The following XXYLT1 variants were observed in gnomAD, a reference collection of about 807,000 sequenced individuals.
XXYLT1 encodes xyloside xylosyltransferase 1, also known as UDP-xylose:alpha-xyloside alpha-1,3-xylosyltransferase.
Under a neutral mutation model 28.9 loss-of-function variants are expected in XXYLT1, and 20 were observed. The ratio of observed to expected loss-of-function variants is 0.69; its 90% CI spans 0.49 to 1.00. The LOEUF (loss-of-function observed/expected upper bound fraction) is 1.00. Ranked by LOEUF, XXYLT1 falls within the 50% of genes least tolerant of loss-of-function variation. The pLI is 0.00. For missense variants in XXYLT1, 542 were observed against 560.1 expected, an observed-to-expected ratio of 0.97 and a Z score of 0.33; for synonymous variants, 257 against 253.8, an observed-to-expected ratio of 1.01 and a Z score of -0.12.
At position 195,227,827 on chromosome 3, in the gene XXYLT1, G is replaced by A. The variant is rs1399653490; in HGVS notation, c.505-971C>T. On this transcript the variant is annotated intron_variant, in intron 1 of 3. Transcript: ENST00000310380. Reference sequence around the variant, plus strand: ...AAGGATGAAGACATCAGCTCAACCCGCGATTAGAGCAGACAAGAGTACTAA... The same window carrying A: ...AAGGATGAAGACATCAGCTCAACCCACGATTAGAGCAGACAAGAGTACTAA... Among the ~76,000 whole-genome samples, 9 of 152,058 alleles carry A rather than the reference G, an allele frequency of 5.9e-5. No homozygotes were observed. The South Asian group carries it at 6.2e-4, about 11-fold the overall frequency.
chr3:195,225,748 T>C (rs1472060921), intron 2 of XXYLT1, among the ~76,000 whole-genome samples: 1 of 147,404 alleles, frequency 6.8e-6, no homozygotes, highest in Middle Eastern at 3.2e-3. Flanking sequence ...TGGTGGGGGG[T>C]AATTTAATCA....
Position 195,237,896 on chromosome 3 carries a change from G to A in XXYLT1, c.505-11040C>T, listed in dbSNP as rs182684042. 1.7e-3 allele frequency among the ~76,000 whole-genome samples: 260 copies of A among 152,008 alleles called. 1 individual carries two copies. The highest frequency in any genetic ancestry group is 4.9e-3 in the African/African-American group (201 of 41,416). On this transcript the variant is annotated intron_variant, in intron 1 of 3. Coordinates refer to ENST00000310380, the MANE Select transcript of XXYLT1 (RefSeq NM_152531.5). ...TTTTCCAACAGAAATCTCAAATTATGTTTCTCATTCCCACACCCCTCCGCT... is the reference window on the plus strand; with the variant it reads ...TTTTCCAACAGAAATCTCAAATTATATTTCTCATTCCCACACCCCTCCGCT...
At chr3:195,109,665 G>A (rs1560099755) in intron 3 of XXYLT1, among the ~76,000 whole-genome samples, 1 of 138,272 alleles carries the variant, frequency 7.2e-6, no homozygotes, top group African/African-American at 2.7e-5. Flanking sequence ...GTGCGTGTGT[G>A]TGGTGTGTGT....
intron 1 of XXYLT1, among the ~76,000 whole-genome samples, chr3:195,237,749 T>C (rs1475953644): frequency 3.3e-5 from 5 of 152,168 alleles, no homozygotes; most frequent in Non-Finnish European, 7.3e-5. Context: ...TTTTTAAAAA[T>C]GTCTTCATGC....
intron 2 of XXYLT1, among the ~76,000 whole-genome samples, chr3:195,193,212 C>T (rs1484159962): frequency 1.3e-5 from 2 of 150,562 alleles, no homozygotes; most frequent in African/African-American, 2.5e-5. Flanking sequence ...CGCTTGAACC[C>T]GGGAGGTGGA....
chr3:195,084,576 T>G (rs1218405392), intron 3 of XXYLT1, among the ~76,000 whole-genome samples: 6 of 152,182 alleles, frequency 3.9e-5, no homozygotes, highest in African/African-American at 1.4e-4. Flanking sequence ...TTGAGCAAAG[T>G]AAACCGTACT....
intron 2 of XXYLT1, among the ~76,000 whole-genome samples, chr3:195,159,881 C>T (rs1218961488): frequency 1.3e-5 from 2 of 152,170 alleles, no homozygotes; most frequent in Admixed American, 6.5e-5. Context: ...GTGGATCTCA[C>T]ATCCAGCAGA....
At chr3:195,101,992 G>C (rs1393528059) in intron 3 of XXYLT1, among the ~76,000 whole-genome samples, 1 of 117,744 alleles carries the variant, frequency 8.5e-6, no homozygotes, top group Non-Finnish European at 1.7e-5. Flanking sequence ...ATGCGGGGAG[G>C]GAGGACAGAA....
intron 2 of XXYLT1, among the ~76,000 whole-genome samples, chr3:195,199,774 C>T (rs1225746643): frequency 1.3e-5 from 2 of 152,162 alleles, no homozygotes; most frequent in African/African-American, 4.8e-5. Flanking sequence ...TCGCAGTGCA[C>T]TTGTGTTGGG....
At position 195,271,083 on chromosome 3, in the gene XXYLT1, G is replaced by C; in HGVS notation, c.-25C>G. On this transcript the variant is annotated 5_prime_UTR_variant, in exon 1 of 4. Coordinates refer to ENST00000310380, the MANE Select transcript of XXYLT1 (RefSeq NM_152531.5). ...TGCGCTACGAGACCGCGGCGCCAGCGGTGCCAGCAACGCGGGAGAGCCCTC... is the reference window on the plus strand; with the variant it reads ...TGCGCTACGAGACCGCGGCGCCAGCCGTGCCAGCAACGCGGGAGAGCCCTC... 1 of 1,314,514 alleles carries C rather than the reference G, an allele frequency of 7.6e-7. No individual in the cohort carries two copies. The highest frequency in any genetic ancestry group is 9.7e-7 in the Non-Finnish European group (1 of 1,035,368). 81.4% of individuals were successfully genotyped at this position (1,314,514 alleles called of 1,614,324 possible).
intron 3 of XXYLT1, among the ~76,000 whole-genome samples, chr3:195,142,794 G>A (rs544242592): frequency 6.6e-6 from 1 of 152,374 alleles, no homozygotes; most frequent in Non-Finnish European, 1.5e-5. Context: ...CGAACAGGGA[G>A]GATGGTGAAG....
intron 3 of XXYLT1, among the ~76,000 whole-genome samples, chr3:195,106,062 C>T (rs1472138248): frequency 6.6e-6 from 1 of 152,180 alleles, no homozygotes; most frequent in Non-Finnish European, 1.5e-5. Flanking sequence ...AAAAAGAATA[C>T]TTTAAATTAA....
chr3:195,106,335 T>C (rs113406895), intron 3 of XXYLT1, among the ~76,000 whole-genome samples: 17 of 148,176 alleles, frequency 1.1e-4, no homozygotes, highest in South Asian at 8.4e-4. Flanking sequence ...GATGCTCTTG[T>C]TGTGTTTTTG....
In XXYLT1 at chr3:195,173,427, A is replaced by G. The variant is rs7650448; in HGVS notation, c.653-16846T>C. On this transcript the variant is annotated intron_variant, in intron 2 of 3. Transcript: ENST00000310380. This position sits in a 1 kb window ranked among gnomAD's most constrained non-coding sequence, Gnocchi z 4.3. ...TGTTGTTACCTAGGAGGTGCTCGAC[A>G]CTAAGTAACATTCTGGTTCATATAA... Among the ~76,000 whole-genome samples, 11,596 of 152,266 alleles carry G rather than the reference A, an allele frequency of 0.076. 1,478 individuals are homozygous for G. The highest frequency in any genetic ancestry group is 0.26 in the African/African-American group (10,973 of 41,506).
chr3:195,082,887 C>G (rs1715515994), intron 3 of XXYLT1, among the ~76,000 whole-genome samples: 2 of 152,156 alleles, frequency 1.3e-5, no homozygotes, highest in African/African-American at 4.8e-5. Flanking sequence ...AGGCACCCCC[C>G]CTGCCAAGAG....
chr3:195,157,907 T>C (rs979514475), intron 2 of XXYLT1, among the ~76,000 whole-genome samples: 21 of 152,190 alleles, frequency 1.4e-4, no homozygotes, highest in African/African-American at 4.1e-4. Flanking sequence ...GCTGTTCCAT[T>C]GGCTAAAATG....
intron 3 of XXYLT1, among the ~76,000 whole-genome samples, chr3:195,131,891 A>G (rs62290347): frequency 0.13 from 19,896 of 152,240 alleles, 1,752 homozygotes; most frequent in East Asian, 0.41. Flanking sequence ...TGAGGACACT[A>G]TCTTTGCTGT....
At chr3:195,103,341 G>A (rs888892766) in intron 3 of XXYLT1, among the ~76,000 whole-genome samples, 39 of 151,120 alleles carry the variant, frequency 2.6e-4, no homozygotes, top group Non-Finnish European at 1.0e-4. Context: ...CCACGCCAGC[G>A]ACCTGCGTCC....
At chr3:195,119,203 G>C (rs1300329616) in intron 3 of XXYLT1, among the ~76,000 whole-genome samples, 1 of 150,036 alleles carries the variant, frequency 6.7e-6, no homozygotes, top group African/African-American at 2.5e-5. Flanking sequence ...AGAATCACTT[G>C]AACCTGGGAG....
Sources: allele counts gnomAD v4.1 joint callset (sites outside exome capture counted in the v4.1 genomes callset), GRCh38; gene constraint gnomAD v4.1.1; non-coding constraint Gnocchi (gnomAD v3.1); transcripts MANE v1.5; gene names NCBI Gene and HGNC (gene_info 2026-07-23, HGNC 2026-07-21).